ARHGAP29: variants seen among roughly 807,000 people sequenced by gnomAD.
ARHGAP29 encodes Rho GTPase activating protein 29.
Under a neutral mutation model 122.6 loss-of-function variants are expected in ARHGAP29, and 43 were observed. The observed-to-expected ratio is 0.35, with a 90% CI of 0.27 to 0.45. The LOEUF (loss-of-function observed/expected upper bound fraction) is 0.45, where lower values mean the gene tolerates loss of function less well. ARHGAP29 is among the 20% of genes least tolerant of loss of function. The pLI, the probability that ARHGAP29 is intolerant of heterozygous loss-of-function variation, is 1.00. For synonymous variants in ARHGAP29, 506 were observed against 497.1 expected, an observed-to-expected ratio of 1.02 and a Z score of -0.24; for missense variants, 1,303 against 1,477.2, an observed-to-expected ratio of 0.88 and a Z score of 1.93.
At chr1:94,279,486 C>T (rs936494083), upstream of ARHGAP29, among the ~76,000 whole-genome samples, 1 of 152,220 alleles carries the variant, frequency 6.6e-6, no homozygotes, top group Admixed American at 6.5e-5. Flanking sequence ...CACACAATTT[C>T]TGTTACAGTA....
chr1:94,195,452 C>T (rs1240158764), intron 12 of ARHGAP29: 1 of 152,012 alleles, frequency 6.6e-6, no homozygotes, highest in Non-Finnish European at 1.5e-5. Flanking sequence ...ACTATAGCTT[C>T]TTAATAACAC....
chr1:94,240,412 A>C (rs1195963719), upstream of ARHGAP29, among the ~76,000 whole-genome samples: 1 of 152,232 alleles, frequency 6.6e-6, no homozygotes, highest in African/African-American at 2.4e-5. Flanking sequence ...TTATTTTATT[A>C]ATCTCCCCTG....
rs1272527386 is a variant in ARHGAP29, at chr1:94,205,682, G to A, written c.512C>T (p.Ser171Leu). The A allele has an allele frequency of 6.2e-6, 10 of 1,611,356 alleles. No individual in the cohort carries two copies. The highest frequency in any genetic ancestry group is 2.2e-5 in the East Asian group (1 of 44,682). ...TGATTCCACAGAAACATTTTCAAAC[G>A]ACTTACAACATGGAAAAAGATAAAT... ...LRLPVSRETK[S>L]FENVSVESVD... Residue 171 changes from serine to leucine, a missense_variant and splice_region_variant, in exon 6 of 23, where the codon TCG becomes TTG. Coordinates refer to ENST00000260526, the MANE Select transcript of ARHGAP29 (RefSeq NM_004815.4).
chr1:94,308,433 G>C, the ARHGAP29 span, among the ~76,000 whole-genome samples: 2 of 152,164 alleles, frequency 1.3e-5, no homozygotes, highest in South Asian at 2.1e-4. Flanking sequence ...CAAAAAGCCA[G>C]GTGGGGCATT....
chr1:94,291,870 C>T, the ARHGAP29 span, among the ~76,000 whole-genome samples: 14 of 152,244 alleles, frequency 9.2e-5, no homozygotes, highest in African/African-American at 1.7e-4. Context: ...CCCTTCTCTC[C>T]GGCTTCCCTT....
chr1:94,303,892 C>T, the ARHGAP29 span, among the ~76,000 whole-genome samples: 1 of 152,292 alleles, frequency 6.6e-6, no homozygotes, highest in Admixed American at 6.5e-5. Flanking sequence ...TGCCAGCTAC[C>T]GCTGCCTAAT....
At chr1:94,240,553 A>G (rs1653535621), upstream of ARHGAP29, among the ~76,000 whole-genome samples, 1 of 152,246 alleles carries the variant, frequency 6.6e-6, no homozygotes, top group Non-Finnish European at 1.5e-5. Flanking sequence ...TGTTCAGAAA[A>G]AAAGAGTAAA....
At chr1:94,264,423 A>C (rs1654681866) in intron 1 of ARHGAP29, among the ~76,000 whole-genome samples, 2 of 152,056 alleles carry the variant, frequency 1.3e-5, no homozygotes, top group African/African-American at 2.4e-5. Flanking sequence ...CCTACTAATC[A>C]GTAGGGGTCT....
intron 20 of ARHGAP29, among the ~76,000 whole-genome samples, chr1:94,179,404 G>A (rs1391020086): frequency 6.6e-5 from 10 of 151,804 alleles, no homozygotes; most frequent in Admixed American, 6.6e-4. Flanking sequence ...GACCAGTCTG[G>A]CCAATATGTT....
intron 13 of ARHGAP29, 59 bp downstream of exon 13, chr1:94,189,863 TAGAA>T: frequency 6.5e-7 from 1 of 1,532,144 alleles, no homozygotes. Flanking sequence ...TTGTACTAGA[TAGAA>T]ACTTAACAAT....
intron 1 of ARHGAP29, among the ~76,000 whole-genome samples, chr1:94,232,355 CA>C (rs1652972167): frequency 1.3e-5 from 2 of 152,242 alleles, no homozygotes; most frequent in African/African-American, 4.8e-5. Flanking sequence ...CATATACATA[CA>C]TATACACAGA....
At chr1:94,255,917 A>G (rs1160957929) in intron 1 of ARHGAP29, among the ~76,000 whole-genome samples, 2 of 152,220 alleles carry the variant, frequency 1.3e-5, no homozygotes, top group African/African-American at 2.4e-5. Flanking sequence ...TGCTTGGTTT[A>G]TAATATGAGC....
chr1:94,237,707 C>G, upstream of ARHGAP29: 1 of 985,342 alleles, frequency 1.0e-6, no homozygotes, highest in Non-Finnish European at 1.2e-6. Flanking sequence ...GCGGCAGGTA[C>G]GGGAGGCAAC....
intron 3 of ARHGAP29, among the ~76,000 whole-genome samples, chr1:94,213,163 C>A (rs1257455968): frequency 6.6e-6 from 1 of 152,086 alleles, no homozygotes; most frequent in East Asian, 1.9e-4. Context: ...TAACGGTTAT[C>A]AGAGGCTAGA....
intron 1 of ARHGAP29, among the ~76,000 whole-genome samples, chr1:94,256,959 C>G (rs773423068): frequency 2.6e-5 from 4 of 152,082 alleles, no homozygotes; most frequent in Admixed American, 2.0e-4. Flanking sequence ...TAGGTATATA[C>G]TTTTCAGGTT....
At chr1:94,263,160 G>C (rs768344711) in intron 1 of ARHGAP29, among the ~76,000 whole-genome samples, 3 of 152,142 alleles carry the variant, frequency 2.0e-5, no homozygotes, top group Non-Finnish European at 4.4e-5. Flanking sequence ...ATCAAATCCT[G>C]CATGTTCTCA....
chr1:94,235,755 T>C (rs1653212872), intron 1 of ARHGAP29, among the ~76,000 whole-genome samples: 1 of 152,166 alleles, frequency 6.6e-6, no homozygotes, highest in African/African-American at 2.4e-5. Context: ...CTCTAGCAAG[T>C]AGAAAATTAC....
chr1:94,237,331 C>T, intron 1 of ARHGAP29, 84 bp downstream of exon 1: 1 of 928,228 alleles, frequency 1.1e-6, no homozygotes, highest in East Asian at 1.2e-4. Context: ...CCCTGGACGG[C>T]AATTCGCGGG....
At chr1:94,210,648 T>A (rs951588105) in intron 3 of ARHGAP29, among the ~76,000 whole-genome samples, 1 of 152,172 alleles carries the variant, frequency 6.6e-6, no homozygotes, top group African/African-American at 2.4e-5. Flanking sequence ...TCTTAAATAA[T>A]GGGCATTTAA....
Sources: allele counts gnomAD v4.1 joint callset (sites outside exome capture counted in the v4.1 genomes callset), GRCh38; gene constraint gnomAD v4.1.1; transcripts MANE v1.5; gene names NCBI Gene and HGNC (gene_info 2026-07-23, HGNC 2026-07-21).